LAP3: variants seen among roughly 807,000 people sequenced by gnomAD.
LAP3 encodes the protein leucine aminopeptidase 3.
Under a neutral mutation model 58.8 loss-of-function variants are expected in LAP3, and 46 were observed. The ratio of observed to expected loss-of-function variants is 0.78; its 90% CI spans 0.62 to 1.00. The LOEUF is 1.00. Ranked by LOEUF, LAP3 falls within the 50% of genes least tolerant of loss-of-function variation. The probability of loss-of-function intolerance (pLI) is 0.00; values close to 1 mark genes in which losing one functional copy is unlikely to be tolerated. For synonymous variants in LAP3, 257 were observed against 237.7 expected, an observed-to-expected ratio of 1.08 and a Z score of -0.75; for missense variants, 615 against 659.1, an observed-to-expected ratio of 0.93 and a Z score of 0.73.
intron 1 of LAP3, among the ~76,000 whole-genome samples, chr4:17,578,679 C>T (rs1713275255): frequency 6.6e-6 from 1 of 152,164 alleles, no homozygotes; most frequent in Admixed American, 6.5e-5. Flanking sequence ...CATAAATTGC[C>T]GTGCAAAAGT....
chr4:17,601,161 C>T (rs1237853785), intron 10 of LAP3, among the ~76,000 whole-genome samples: 3 of 152,164 alleles, frequency 2.0e-5, no homozygotes, highest in East Asian at 1.9e-4. Context: ...TTTGATGTTT[C>T]TTCCAGACTA....
chr4:17,588,470 T>A (rs1056109834), intron 6 of LAP3, among the ~76,000 whole-genome samples: 7 of 152,146 alleles, frequency 4.6e-5, no homozygotes, highest in African/African-American at 1.7e-4. Flanking sequence ...TAAATTAAAA[T>A]TGTAGAAATA....
chr4:17,603,266 C>A (rs942461686), intron 10 of LAP3, among the ~76,000 whole-genome samples: 2 of 151,914 alleles, frequency 1.3e-5, no homozygotes, highest in African/African-American at 2.4e-5. Context: ...TGAGATCGCA[C>A]CACTGCACTC....
intron 7 of LAP3, among the ~76,000 whole-genome samples, chr4:17,589,784 A>G (rs1032081808): frequency 6.6e-6 from 1 of 152,190 alleles, no homozygotes; most frequent in African/African-American, 2.4e-5. Flanking sequence ...TTTTTCTGCC[A>G]TGCACTTTGC....
intron 5 of LAP3, 150 bp from the exon 6 acceptor site, chr4:17,584,822 C>CA: frequency 2.8e-6 from 2 of 719,876 alleles, no homozygotes; most frequent in South Asian, 2.0e-5. Flanking sequence ...GGTCAGATCA[C>CA]AAAAAATGAA....
intron 9 of LAP3, 57 bp from the exon 10 acceptor site, chr4:17,598,399 C>G: frequency 1.6e-6 from 2 of 1,253,402 alleles, no homozygotes; most frequent in Middle Eastern, 1.9e-4. Flanking sequence ...TTGCAAGTGT[C>G]TAGTTTTCAT....
At chr4:17,595,179 C>T (rs1338712384) in intron 7 of LAP3, among the ~76,000 whole-genome samples, 1 of 150,716 alleles carries the variant, frequency 6.6e-6, no homozygotes, top group Non-Finnish European at 1.5e-5. Flanking sequence ...GCTGGGACTA[C>T]AGGCGCCCAC....
chr4:17,582,433 A>C (rs1167176590), intron 4 of LAP3, 40 bp downstream of exon 4: 8 of 1,481,030 alleles, frequency 5.4e-6, no homozygotes. Context: ...CTGAGGATCC[A>C]CTCTTTTTGA....
intron 10 of LAP3, among the ~76,000 whole-genome samples, chr4:17,602,834 G>A (rs892391878): frequency 7.9e-5 from 12 of 151,894 alleles, no homozygotes; most frequent in Admixed American, 2.6e-4. Flanking sequence ...ACAGGCATGC[G>A]CCACCACACT....
At chr4:17,600,411 G>C (rs976046513) in intron 10 of LAP3, among the ~76,000 whole-genome samples, 1 of 136,932 alleles carries the variant, frequency 7.3e-6, no homozygotes, top group African/African-American at 2.7e-5. Context: ...TTCTAGGGTG[G>C]GGGGTTGGGG....
At chr4:17,603,745 C>T (rs903952852) in intron 10 of LAP3, among the ~76,000 whole-genome samples, 2 of 151,748 alleles carry the variant, frequency 1.3e-5, no homozygotes, top group African/African-American at 4.8e-5. Flanking sequence ...AACTCCCAAC[C>T]TCAGGTGATC....
At chr4:17,591,223 C>T (rs1012882445) in intron 7 of LAP3, among the ~76,000 whole-genome samples, 3 of 151,914 alleles carry the variant, frequency 2.0e-5, no homozygotes, top group Non-Finnish European at 4.4e-5. Context: ...ATTACAGGTG[C>T]CTGCTACCAC....
intron 1 of LAP3, among the ~76,000 whole-genome samples, chr4:17,579,479 T>A (rs975815851): frequency 7.2e-5 from 11 of 152,246 alleles, no homozygotes; most frequent in Non-Finnish European, 1.6e-4. Flanking sequence ...TGGCATGTTC[T>A]GAATCCTTTC....
intron 6 of LAP3, 26 bp downstream of exon 6, chr4:17,585,162 C>G (rs758849620): frequency 3.2e-6 from 5 of 1,586,552 alleles, no homozygotes; most frequent in Admixed American, 1.7e-5. Flanking sequence ...GTCACAGACT[C>G]GAGATGTTAC....
intron 2 of LAP3, among the ~76,000 whole-genome samples, chr4:17,580,819 T>C (rs1003413): frequency 0.73 from 111,716 of 152,114 alleles, 41,747 homozygotes; most frequent in East Asian, 0.93. Flanking sequence ...TGTAACTGCA[T>C]GCTGTATTTG....
At chr4:17,589,285 T>C (rs1713616388) in intron 7 of LAP3, among the ~76,000 whole-genome samples, 1 of 152,142 alleles carries the variant, frequency 6.6e-6, no homozygotes, top group South Asian at 2.1e-4. Context: ...GGTTTTGAAC[T>C]CTTGGCCTCA....
Position 17,593,721 on chromosome 4 carries a change from T to C in LAP3, c.864-1689T>C, listed in dbSNP as rs778130950. Among the ~76,000 whole-genome samples, 5 of 144,994 alleles carry C rather than the reference T, an allele frequency of 3.4e-5. No individual in the cohort carries two copies. In the South Asian group the frequency reaches 6.7e-4, roughly 20 times the overall value. ...CGACCTCCCTGGGCTCAGGTGATCCTCTCACCTCAACCTCCCGAGTAGCTG... is the reference window on the plus strand; with the variant it reads ...CGACCTCCCTGGGCTCAGGTGATCCCCTCACCTCAACCTCCCGAGTAGCTG... On this transcript the variant is annotated intron_variant, in intron 7 of 12. Coordinates refer to ENST00000226299, the MANE Select transcript of LAP3 (RefSeq NM_015907.3).
intron 7 of LAP3, among the ~76,000 whole-genome samples, chr4:17,594,097 C>T (rs1034391398): frequency 3.3e-5 from 5 of 152,144 alleles, no homozygotes; most frequent in East Asian, 1.9e-4. Flanking sequence ...TCAATGAGGG[C>T]GGCTGAGTAG....
At chr4:17,584,146 G>T (rs977779051) in intron 5 of LAP3, among the ~76,000 whole-genome samples, 6 of 152,274 alleles carry the variant, frequency 3.9e-5, no homozygotes, top group Admixed American at 3.9e-4. Flanking sequence ...CACTGGCCAA[G>T]GGTTGGCAGC....
Sources: allele counts gnomAD v4.1 joint callset (sites outside exome capture counted in the v4.1 genomes callset), GRCh38; gene constraint gnomAD v4.1.1; transcripts MANE v1.5; gene names NCBI Gene and HGNC (gene_info 2026-07-23, HGNC 2026-07-21).